Variants in ALG8 observed in about 807,000 individuals in gnomAD.
ALG8 encodes ALG8 alpha-1,3-glucosyltransferase.
ALG8 carries 48 observed loss-of-function variants against 70.2 expected under a neutral mutation model. The observed-to-expected ratio is 0.68, with a 90% CI of 0.54 to 0.87. ALG8 has a LOEUF of 0.87. Among genes scored for constraint, ALG8 ranks in the 40% least tolerant of loss-of-function variants. The probability of loss-of-function intolerance (pLI) is 0.00; values close to 1 mark genes in which losing one functional copy is unlikely to be tolerated. For synonymous variants in ALG8, 234 were observed against 229.0 expected (o/e 1.02, Z -0.20); for missense variants, 572 against 608.7 (o/e 0.94, Z 0.64).
chr11:78,105,574 T>A (rs1010151423), intron 10 of ALG8, among the ~76,000 whole-genome samples: 4 of 147,042 alleles, frequency 2.7e-5, no homozygotes, highest in Non-Finnish European at 4.4e-5. Flanking sequence ...GAGGCTGAGG[T>A]AGGAAGACTG....
chr11:78,136,126 T>C (rs117119782), intron 1 of ALG8, among the ~76,000 whole-genome samples: 4,515 of 151,954 alleles, frequency 0.03, 92 homozygotes, highest in Non-Finnish European at 0.044. Flanking sequence ...GCTGAGATCA[T>C]ACCAGTGCAC....
chr11:78,111,968 G>A (rs1274248945), intron 8 of ALG8, among the ~76,000 whole-genome samples: 2 of 152,034 alleles, frequency 1.3e-5, no homozygotes, highest in South Asian at 2.1e-4. Flanking sequence ...TTTCTTGTAT[G>A]TTTAGGTTTA....
intron 1 of ALG8, among the ~76,000 whole-genome samples, chr11:78,135,660 C>G (rs10793287): frequency 0.36 from 54,612 of 151,776 alleles, 11,353 homozygotes; most frequent in Non-Finnish European, 0.45. Flanking sequence ...CCAGCCTGGC[C>G]AATGTGGCAA....
At chr11:78,119,841 C>T (rs1193294095) in intron 4 of ALG8, among the ~76,000 whole-genome samples, 1 of 152,128 alleles carries the variant, frequency 6.6e-6, no homozygotes, top group Non-Finnish European at 1.5e-5. Context: ...GTGGCTCACA[C>T]CTGTAATCCC....
chr11:78,106,994 T>G (rs958789272), intron 9 of ALG8, 48 bp from the exon 10 acceptor site: 5 of 1,608,044 alleles, frequency 3.1e-6, no homozygotes, highest in East Asian at 2.2e-5. Context: ...TGAAACAGAC[T>G]TTACAGAAAC....
At chr11:78,123,315 G>GAAAAAAAAAAAAAAAAAAAAA (rs1220218900) in intron 3 of ALG8, among the ~76,000 whole-genome samples, 5 of 88,550 alleles carry the variant, frequency 5.6e-5, no homozygotes, top group Admixed American at 4.5e-4. Context: ...GGAAAAAAAA[G>GAAAAAAAAAAAAAAAAAAAAA]AAAAAAAAAA....
chr11:78,109,356 A>G (rs1860179575), intron 9 of ALG8, 86 bp downstream of exon 9: 3 of 1,557,348 alleles, frequency 1.9e-6, no homozygotes. Flanking sequence ...TACAGTTGGA[A>G]GAGCTTGAAA....
intron 1 of ALG8, chr11:78,138,669 G>A (rs1050214754): frequency 8.8e-6 from 4 of 453,374 alleles, no homozygotes; most frequent in Admixed American, 2.4e-5. Context: ...GAAGGATGAA[G>A]GGAAGGCGGA....
At chr11:78,118,096 T>G (rs1860661314) in intron 5 of ALG8, among the ~76,000 whole-genome samples, 1 of 148,136 alleles carries the variant, frequency 6.8e-6, no homozygotes, top group African/African-American at 2.5e-5. Flanking sequence ...GAAAAAAAAA[T>G]ACATGGAATG....
chr11:78,119,587 C>T (rs1860731258), intron 4 of ALG8, among the ~76,000 whole-genome samples: 1 of 151,984 alleles, frequency 6.6e-6, no homozygotes, highest in African/African-American at 2.4e-5. Context: ...TACCACCACA[C>T]CCAGCTAATT....
intron 2 of ALG8, among the ~76,000 whole-genome samples, chr11:78,125,621 A>T (rs1861033755): frequency 6.6e-6 from 1 of 151,158 alleles, no homozygotes; most frequent in Admixed American, 6.6e-5. Context: ...CAAAAAAAAA[A>T]AAAAAATTTC....
At position 78,121,170 on chromosome 11, in the gene ALG8, A is replaced by G; in HGVS notation, c.373T>C (p.Cys125Arg). The change falls in exon 4 of 13, where the codon TGT becomes CGT. Residue 125 changes from cysteine to arginine, a missense_variant. Transcript: ENST00000299626. ...ACTTTTTTTCCATCAATGCATTTAC[A>G]GCACCTACATTGAAACATTAGGAAA... ...VLFVYAVREC[C>R]KCIDGKKVGK... 2 of 1,607,760 alleles carry G rather than the reference A, an allele frequency of 1.2e-6. No individual in the cohort carries two copies. Among genetic ancestry groups the G allele is most frequent in the Non-Finnish European group, 1.7e-6 (2 of 1,174,660 alleles).
At chr11:78,114,877 AGGT>A in intron 5 of ALG8, 1 of 251,270 alleles carries the variant, frequency 4.0e-6, no homozygotes, top group Non-Finnish European at 7.9e-6. Flanking sequence ...CTGGAGGCTG[AGGT>A]GAGAGAATCT....
At chr11:78,109,200 G>A (rs867539146) in intron 9 of ALG8, among the ~76,000 whole-genome samples, 8 of 151,938 alleles carry the variant, frequency 5.3e-5, no homozygotes, top group Non-Finnish European at 1.0e-4. Context: ...CCCTTCCCCC[G>A]GGTGAACAGA....
Position 78,103,995 on chromosome 11 carries a change from A to G in ALG8, c.1334T>C (p.Leu445Pro). The G allele has an allele frequency of 6.7e-7, 1 of 1,494,900 alleles. No individual in the cohort carries two copies. Among genetic ancestry groups the G allele is most frequent in the Non-Finnish European group, 9.3e-7 (1 of 1,076,078 alleles). The allele number at this position is 1,494,900 out of a possible 1,614,324, so 92.6% of individuals were successfully genotyped here. ...LLFTIYSISS[L>P]KTLFRKEKPL... ...TTTTGATTACCTGAATAAAGTCTTCAGTGACGAAATACTATATATGGTGAA... is the reference window on the plus strand; with the variant it reads ...TTTTGATTACCTGAATAAAGTCTTCGGTGACGAAATACTATATATGGTGAA... The change falls in exon 12 of 13, where the codon CTG becomes CCG. Residue 445 changes from leucine to proline, a missense_variant. Transcript: ENST00000299626.
intron 1 of ALG8, among the ~76,000 whole-genome samples, chr11:78,134,592 A>C (rs1590845606): frequency 6.6e-6 from 1 of 152,270 alleles, no homozygotes; most frequent in African/African-American, 2.4e-5. Flanking sequence ...TTCTTCTCAA[A>C]CCCTGCCACT....
rs2136927843 is a variant in ALG8 at position 78,125,142 on chromosome 11, C to T, written c.175-928G>A. On this transcript the variant is annotated intron_variant, in intron 2 of 12. Transcript: ENST00000299626. Reference sequence around the variant, plus strand: ...CCGCCTCCCGGGTTCACACCATTCTCCTGCCTCAGCCTCCCGAGTAGCTGG... The same window carrying T: ...CCGCCTCCCGGGTTCACACCATTCTTCTGCCTCAGCCTCCCGAGTAGCTGG... Among the ~76,000 whole-genome samples, 3 of 151,906 alleles carry T rather than the reference C, an allele frequency of 2.0e-5. No homozygotes were observed. In the East Asian group the frequency reaches 5.8e-4, roughly 30 times the overall value.
At chr11:78,119,610 T>C (rs1860732176) in intron 4 of ALG8, among the ~76,000 whole-genome samples, 1 of 152,030 alleles carries the variant, frequency 6.6e-6, no homozygotes, top group Non-Finnish European at 1.5e-5. Flanking sequence ...TTTGTACTTT[T>C]AGTAGAGACG....
chr11:78,112,512 T>C, intron 8 of ALG8, 138 bp downstream of exon 8: 1 of 1,333,842 alleles, frequency 7.5e-7, no homozygotes, highest in South Asian at 1.2e-5. Flanking sequence ...GCTCCCCCTG[T>C]TCATCCTGAA....
Sources: gnomAD v4.1 joint callset for allele counts (sites outside exome capture counted in the v4.1 genomes callset) on GRCh38, gnomAD v4.1.1 for gene constraint, MANE v1.5 for transcripts, NCBI Gene and HGNC (gene_info 2026-07-23, HGNC 2026-07-21) for gene names.